RELN: variants seen among roughly 807,000 people sequenced by gnomAD.
RELN encodes the protein reelin.
Under a neutral mutation model 427.6 loss-of-function variants are expected in RELN, and 108 were observed. That is an observed-to-expected ratio of 0.25 (90% confidence interval 0.22 to 0.30). The LOEUF (loss-of-function observed/expected upper bound fraction) is 0.30, where lower values mean the gene tolerates loss of function less well. Among genes scored for constraint, RELN ranks in the 10% least tolerant of loss-of-function variants. The pLI, the probability that RELN is intolerant of heterozygous loss-of-function variation, is 1.00. For missense variants in RELN, 3,715 were observed against 4,302.8 expected (o/e 0.86, Z 3.82); for synonymous variants, 1,524 against 1,513.4 (o/e 1.01, Z -0.16).
In RELN at chr7:103,654,071, C is replaced by G. The variant is rs752849517; in HGVS notation, c.1554+22G>C. 2.2e-6 allele frequency: 3 copies of G among 1,388,204 alleles called. No individual in the cohort carries two copies. The Admixed American group carries it at 5.0e-5, about 23-fold the overall frequency. The allele number at this position is 1,388,204 out of a possible 1,614,324, so 86.0% of individuals were successfully genotyped here. A position where few individuals can be genotyped will look rare whatever the true frequency, so the allele number is the denominator to read the frequency against. On this transcript the variant is annotated intron_variant, in intron 13 of 64. Transcript: ENST00000428762. The stretch of plus-strand genomic sequence containing the variant: ...AGGGTGGTCTGAGGTGGTCTATTTG[C>G]CACACAGACTGGCATGTGTACCTTA...
chr7:103,822,970 T>C (rs1793046268), intron 3 of RELN, among the ~76,000 whole-genome samples: 1 of 152,006 alleles, frequency 6.6e-6, no homozygotes, highest in African/African-American at 2.4e-5. Context: ...AATATTTTCA[T>C]AATACTACCT....
chr7:103,666,689 G>C (rs1016634943), intron 11 of RELN, among the ~76,000 whole-genome samples: 2 of 152,122 alleles, frequency 1.3e-5, no homozygotes, highest in Non-Finnish European at 2.9e-5. Flanking sequence ...TGAGCATCTT[G>C]GAGGTTCCCT....
At chr7:103,481,657 T>C (rs903189866) in intron 63 of RELN, among the ~76,000 whole-genome samples, 3 of 152,210 alleles carry the variant, frequency 2.0e-5, no homozygotes, top group African/African-American at 7.2e-5. Context: ...AAGTGCTGTT[T>C]TGAAAGGCAA....
In RELN at chr7:103,652,660, C is replaced by T; in HGVS notation, c.1654G>A (p.Val552Ile). The T allele has an allele frequency of 6.2e-7, 1 of 1,612,936 alleles. No individual in the cohort carries two copies. Among genetic ancestry groups the T allele is most frequent in the Non-Finnish European group, 8.5e-7 (1 of 1,179,276 alleles). Residue 552 changes from valine to isoleucine, a missense_variant, in exon 14 of 65, where the codon GTC becomes ATC. Val to Ile is a conservative substitution (Grantham distance 29). Coordinates refer to ENST00000428762, the MANE Select transcript of RELN (RefSeq NM_005045.4). ...QKNHQGHNRNVWAVDFFHVLP... is the reference protein window; with the variant it reads ...QKNHQGHNRNIWAVDFFHVLP... Reference sequence around the variant, plus strand: ...ACATGGAAAAAGTCTACAGCCCAGACATTCCTATTATGTCCTTGATGGTTC... The same window carrying T: ...ACATGGAAAAAGTCTACAGCCCAGATATTCCTATTATGTCCTTGATGGTTC...
Position 103,835,787 on chromosome 7 carries a change from G to C in RELN, c.338-2115C>G, listed in dbSNP as rs150455764. ...ACCATGCCTTCTATACCTTAAAGTTGCTATAAGTAGTAAATGGCCCAATAC... is the reference window on the plus strand; with the variant it reads ...ACCATGCCTTCTATACCTTAAAGTTCCTATAAGTAGTAAATGGCCCAATAC... On this transcript the variant is annotated intron_variant, in intron 2 of 64. Coordinates refer to ENST00000428762, the MANE Select transcript of RELN (RefSeq NM_005045.4). 2.8e-4 allele frequency among the ~76,000 whole-genome samples: 42 copies of C among 152,148 alleles called. No homozygotes were observed. In the East Asian group the frequency reaches 6.9e-3, roughly 25 times the overall value.
At chr7:103,922,931 T>G (rs139998895) in intron 1 of RELN, among the ~76,000 whole-genome samples, 1 of 152,134 alleles carries the variant, frequency 6.6e-6, no homozygotes, top group Non-Finnish European at 1.5e-5. Context: ...GTTCCCATTT[T>G]TTTTTCAGAA....
At chr7:103,522,303 A>T (rs1829727254) in intron 47 of RELN, 104 bp from the exon 48 acceptor site, 1 of 1,154,554 alleles carries the variant, frequency 8.7e-7, no homozygotes, top group Non-Finnish European at 1.3e-6. Flanking sequence ...CAAGATGATG[A>T]AAAGTTACTG....
In RELN at chr7:103,540,404, G is replaced by A. The variant is rs2117129751; in HGVS notation, c.6723C>T (p.Pro2241=). 1.2e-6 allele frequency: 2 copies of A among 1,614,002 alleles called. No homozygotes were observed. The highest frequency in any genetic ancestry group is 1.7e-6 in the Non-Finnish European group (2 of 1,179,904). Residue 2241 remains proline, a synonymous_variant, in exon 44 of 65, where the codon CCC becomes CCT. Coordinates refer to ENST00000428762, the MANE Select transcript of RELN (RefSeq NM_005045.4). ...RLGCGKGVPD[P]RSQPVLLQYS... ...ACTGTAGGAGCACGGGTTGACTCCT[G>A]GGGTCAGGAACGCCTTTACCACATC...
intron 1 of RELN, among the ~76,000 whole-genome samples, chr7:103,947,937 T>C (rs2116754834): frequency 6.6e-6 from 1 of 152,308 alleles, no homozygotes; most frequent in East Asian, 1.9e-4. Flanking sequence ...ATGATCTTTT[T>C]CCTTTTTTAA....
intron 27 of RELN, among the ~76,000 whole-genome samples, chr7:103,590,196 G>T (rs1238948540): frequency 6.6e-6 from 1 of 152,164 alleles, no homozygotes; most frequent in Non-Finnish European, 1.5e-5. Context: ...AGAAGCAGCT[G>T]TCTTCTTCAG....
At chr7:103,539,440 C>A (rs1830128691) in intron 44 of RELN, 113 bp from the exon 45 acceptor site, 14 of 1,112,472 alleles carry the variant, frequency 1.3e-5, no homozygotes, top group Non-Finnish European at 1.6e-5. Context: ...CTGCTCAGAA[C>A]TGGCACTGGA....
chr7:103,623,440 G>C (rs775125882), intron 20 of RELN, among the ~76,000 whole-genome samples: 1 of 152,182 alleles, frequency 6.6e-6, no homozygotes, highest in Non-Finnish European at 1.5e-5. Flanking sequence ...TTACTTGGCT[G>C]TTATTCTATA....
chr7:103,712,295 CT>C (rs570218185), intron 8 of RELN, among the ~76,000 whole-genome samples: 1 of 152,120 alleles, frequency 6.6e-6, no homozygotes, highest in Non-Finnish European at 1.5e-5. Context: ...CACAAATAAA[CT>C]TTGTCTGTTC....
rs545834536 is a variant in RELN at position 103,917,564 on chromosome 7, T to G, written c.227-379A>C. ...TATGATAAAATGCTTTTTTTTTTTT[T>G]TAAGTCTTTCATACTGTGGGAAACA... On this transcript the variant is annotated intron_variant, in intron 1 of 64. Transcript: ENST00000428762. Among the ~76,000 whole-genome samples, 318 of 151,984 alleles carry G rather than the reference T, an allele frequency of 2.1e-3. 3 individuals are homozygous for G. The highest frequency in any genetic ancestry group is 7.2e-3 in the African/African-American group (298 of 41,486).
At chr7:103,826,134 T>C (rs1005634248) in intron 3 of RELN, among the ~76,000 whole-genome samples, 2 of 150,196 alleles carry the variant, frequency 1.3e-5, no homozygotes, top group Admixed American at 1.4e-4. Context: ...TTCTTTCAGG[T>C]ATGCTCAGTT....
intron 3 of RELN, among the ~76,000 whole-genome samples, chr7:103,825,010 A>G (rs1211124694): frequency 6.6e-6 from 1 of 151,950 alleles, no homozygotes; most frequent in Non-Finnish European, 1.5e-5. Context: ...GAGTAAAGGA[A>G]CTTAGTAGGC....
At chr7:103,756,062 A>C (rs1319880244) in intron 4 of RELN, among the ~76,000 whole-genome samples, 1 of 152,342 alleles carries the variant, frequency 6.6e-6, no homozygotes, top group Admixed American at 6.5e-5. Flanking sequence ...GATATGTATA[A>C]CAAAATATCT....
intron 2 of RELN, among the ~76,000 whole-genome samples, chr7:103,833,885 G>C (rs561923019): frequency 6.6e-6 from 1 of 152,288 alleles, no homozygotes; most frequent in South Asian, 2.1e-4. Flanking sequence ...TGGAATCATT[G>C]CTATAATATT....
chr7:103,694,619 T>A (rs1190599233), intron 10 of RELN, among the ~76,000 whole-genome samples: 1 of 152,090 alleles, frequency 6.6e-6, no homozygotes, highest in East Asian at 1.9e-4. Flanking sequence ...CTTATCTGTG[T>A]TTGGAAATTT....
Sources: allele counts gnomAD v4.1 joint callset (sites outside exome capture counted in the v4.1 genomes callset), GRCh38; gene constraint gnomAD v4.1.1; transcripts MANE v1.5; gene names NCBI Gene and HGNC (gene_info 2026-07-23, HGNC 2026-07-21).